Variants in LEPR observed in about 807,000 individuals in gnomAD.
LEPR encodes the protein OB receptor.
Under a neutral mutation model 114.7 loss-of-function variants are expected in LEPR, and 56 were observed. That is an observed-to-expected ratio of 0.49 (90% confidence interval 0.39 to 0.61). The LOEUF is 0.61. LEPR is among the 20% of genes least tolerant of loss of function. The pLI, the probability that LEPR is intolerant of heterozygous loss-of-function variation, is 0.00. For synonymous variants in LEPR, 443 were observed against 461.4 expected (o/e 0.96, Z 0.51); for missense variants, 1,202 against 1,352.9 (o/e 0.89, Z 1.75).
chr1:65,573,682 G>A (rs1570728016), intron 5 of LEPR, among the ~76,000 whole-genome samples: 1 of 152,080 alleles, frequency 6.6e-6, no homozygotes, highest in Non-Finnish European at 1.5e-5. Flanking sequence ...AGATAATACC[G>A]TTGAGGAGCA....
intron 2 of LEPR, among the ~76,000 whole-genome samples, chr1:65,517,041 G>A (rs554352121): frequency 6.6e-6 from 1 of 152,186 alleles, no homozygotes; most frequent in Admixed American, 6.5e-5. Flanking sequence ...TTAGTGTTTC[G>A]AGTAATCTCC....
In LEPR at chr1:65,629,228, C is replaced by T. The variant is rs542108564; in HGVS notation, c.2673+6247C>T. On this transcript the variant is annotated intron_variant, in intron 19 of 19. Coordinates refer to ENST00000349533, the MANE Select transcript of LEPR (RefSeq NM_002303.6). ...CAGAAGACTATTTCTTGGAGCTCCC[C>T]TGCTATTTTTTTTTTTAAATAAAAA... 1.8e-5 allele frequency: 5 copies of T among 282,582 alleles called. No homozygotes were observed. In the Admixed American group the frequency reaches 2.1e-4, roughly 12 times the overall value. The allele number at this position is 282,582 out of a possible 1,614,324, so 17.5% of individuals were successfully genotyped here.
intron 5 of LEPR, among the ~76,000 whole-genome samples, chr1:65,583,147 T>G (rs1655102008): frequency 6.6e-6 from 1 of 152,154 alleles, no homozygotes; most frequent in African/African-American, 2.4e-5. Context: ...CTTTCTGAAC[T>G]GTAGAAAATT....
At chr1:65,507,919 T>G (rs1438427119) in intron 2 of LEPR, among the ~76,000 whole-genome samples, 1 of 152,206 alleles carries the variant, frequency 6.6e-6, no homozygotes, top group African/African-American at 2.4e-5. Flanking sequence ...AGTTTTAATA[T>G]GCATTTCTCT....
At chr1:65,513,736 C>T (rs1055825688) in intron 2 of LEPR, among the ~76,000 whole-genome samples, 3 of 152,332 alleles carry the variant, frequency 2.0e-5, no homozygotes, top group African/African-American at 7.2e-5. Flanking sequence ...AAATACTTCT[C>T]TACAAAAACT....
chr1:65,621,743 T>C (rs1657899733), intron 18 of LEPR, among the ~76,000 whole-genome samples: 1 of 152,192 alleles, frequency 6.6e-6, no homozygotes. Flanking sequence ...TCTGGCCAAT[T>C]TTGTTCAGGA....
chr1:65,450,810 T>G (rs907182373), intron 2 of LEPR, among the ~76,000 whole-genome samples: 2 of 151,870 alleles, frequency 1.3e-5, no homozygotes, highest in African/African-American at 4.8e-5. Flanking sequence ...GATGGCTGGG[T>G]CAAATGATAT....
At chr1:65,568,552 C>T (rs1653934212) in intron 3 of LEPR, among the ~76,000 whole-genome samples, 1 of 151,384 alleles carries the variant, frequency 6.6e-6, no homozygotes, top group Non-Finnish European at 1.5e-5. Flanking sequence ...GAATATGCCA[C>T]TTTTTTTAAT....
At position 65,601,489 on chromosome 1, in the gene LEPR, A is replaced by G; in HGVS notation, c.1092A>G (p.Lys364=). The G allele has an allele frequency of 1.9e-6, 3 of 1,613,754 alleles. No homozygotes were observed. The highest frequency in any genetic ancestry group is 1.1e-5 in the South Asian group (1 of 91,066). ...YKKENKIVPS[K]EIVWWMNLAE... is the part of the protein sequence containing the mutation. ...AGGAAAACAAGATTGTTCCCTCAAA[A>G]GAGATTGTTTGGTGGATGAATTTAG... Residue 364 remains lysine, a synonymous_variant, in exon 9 of 20, where the codon AAA becomes AAG. Coordinates refer to ENST00000349533, the MANE Select transcript of LEPR (RefSeq NM_002303.6).
At chr1:65,543,189 G>T (rs1216076181) in intron 2 of LEPR, among the ~76,000 whole-genome samples, 1 of 151,812 alleles carries the variant, frequency 6.6e-6, no homozygotes. Context: ...TTGTTGTTTT[G>T]ATTTGCATTT....
At chr1:65,507,717 A>G (rs944049551) in intron 2 of LEPR, among the ~76,000 whole-genome samples, 18 of 151,998 alleles carry the variant, frequency 1.2e-4, no homozygotes, top group African/African-American at 4.1e-4. Context: ...TAGAATTTCT[A>G]GATCATAAGG....
intron 2 of LEPR, among the ~76,000 whole-genome samples, chr1:65,520,292 G>C (rs572870167): frequency 2.0e-5 from 3 of 152,288 alleles, no homozygotes; most frequent in African/African-American, 7.2e-5. Flanking sequence ...CACCATGCCT[G>C]GACTTAACCG....
Position 65,447,702 on chromosome 1 carries a change from T to G in LEPR, c.-21+22324T>G, listed in dbSNP as rs571730581. Among the ~76,000 whole-genome samples the G allele has an allele frequency of 5.3e-5, 8 of 151,950 alleles. No homozygotes were observed. In the East Asian group the frequency reaches 1.5e-3, roughly 29 times the overall value. On this transcript the variant is annotated intron_variant, in intron 2 of 19. Coordinates refer to ENST00000349533, the MANE Select transcript of LEPR (RefSeq NM_002303.6). ...TGTGCACCACCATACCTGGCTAATT[T>G]TTTTGTATTTTTGTTTTGCAGATAT... is the stretch of plus-strand genomic sequence containing the variant.
chr1:65,491,166 A>G (rs1257187785), intron 2 of LEPR, among the ~76,000 whole-genome samples: 2 of 152,124 alleles, frequency 1.3e-5, no homozygotes, highest in Non-Finnish European at 2.9e-5. Flanking sequence ...ACACCCTAAC[A>G]AAGTCTTTGT....
chr1:65,608,068 T>G (rs1326371824), intron 11 of LEPR, among the ~76,000 whole-genome samples: 1 of 152,010 alleles, frequency 6.6e-6, no homozygotes, highest in Non-Finnish European at 1.5e-5. Context: ...AGACTATCTC[T>G]GACCTTGACC....
At chr1:65,504,356 G>C (rs1648614162) in intron 2 of LEPR, among the ~76,000 whole-genome samples, 1 of 152,124 alleles carries the variant, frequency 6.6e-6, no homozygotes, top group Admixed American at 6.6e-5. Context: ...GCTTAGAAAA[G>C]AGTAACTTTA....
chr1:65,598,095 CTTTTT>C (rs1226626771), intron 7 of LEPR, among the ~76,000 whole-genome samples: 1 of 101,488 alleles, frequency 9.9e-6, no homozygotes, highest in African/African-American at 4.4e-5. Context: ...CCTCCTGCCT[CTTTTT>C]TTTTTTTTTT....
intron 2 of LEPR, among the ~76,000 whole-genome samples, chr1:65,483,842 G>T (rs1418597283): frequency 6.6e-6 from 1 of 151,802 alleles, no homozygotes; most frequent in Non-Finnish European, 1.5e-5. Context: ...TATCTGAAAA[G>T]TGACCACCCA....
At position 65,480,363 on chromosome 1, in the gene LEPR, C is replaced by A. The variant is rs191995989; in HGVS notation, c.-21+54985C>A. On this transcript the variant is annotated intron_variant, in intron 2 of 19. Coordinates refer to ENST00000349533, the MANE Select transcript of LEPR (RefSeq NM_002303.6). ...ATAGTCTGGCATCCTCAGAAAAGTA[C>A]AAGAAGATATGGTGTCTATGAACCA... Among the ~76,000 whole-genome samples, 654 of 152,092 alleles carry A rather than the reference C, an allele frequency of 4.3e-3. 4 individuals are homozygous for A. The highest frequency in any genetic ancestry group is 0.034 in the Middle Eastern group (10 of 294).
Sources: allele counts gnomAD v4.1 joint callset (sites outside exome capture counted in the v4.1 genomes callset), GRCh38; gene constraint gnomAD v4.1.1; transcripts MANE v1.5; gene names NCBI Gene and HGNC (gene_info 2026-07-23, HGNC 2026-07-21).